HYCC1: variants seen among roughly 807,000 people sequenced by gnomAD.
HYCC1 encodes the protein hyccin PI4KA lipid kinase complex subunit 1.
At chr7:22,965,032 G>C in the HYCC1 span, among the ~76,000 whole-genome samples, 2 of 151,844 alleles carry the variant, frequency 1.3e-5, no homozygotes, top group Admixed American at 6.6e-5. Context: ...TACTAGGGAG[G>C]CTGAGGCAGC....
the HYCC1 span, among the ~76,000 whole-genome samples, chr7:22,904,085 A>G: frequency 6.6e-6 from 1 of 152,214 alleles, no homozygotes; most frequent in Non-Finnish European, 1.5e-5. Context: ...TAATATCAAA[A>G]ATGTAGAAAT....
the HYCC1 span, among the ~76,000 whole-genome samples, chr7:22,933,820 TG>T: frequency 6.6e-5 from 10 of 152,350 alleles, no homozygotes; most frequent in African/African-American, 2.4e-4. Context: ...CATCTGTGGA[TG>T]TTTTTATTGC....
chr7:22,897,867 C>T, the HYCC1 span, among the ~76,000 whole-genome samples: 1 of 151,992 alleles, frequency 6.6e-6, no homozygotes, highest in Non-Finnish European at 1.5e-5. Context: ...CTCCTAGGCT[C>T]AAGTGATTCA....
the HYCC1 span, among the ~76,000 whole-genome samples, chr7:22,999,750 G>C: frequency 6.6e-6 from 1 of 152,100 alleles, no homozygotes; most frequent in African/African-American, 2.4e-5. Flanking sequence ...TGAGTATAAT[G>C]CAAAGTGTTT....
the HYCC1 span, among the ~76,000 whole-genome samples, chr7:22,951,421 G>A: frequency 6.6e-6 from 1 of 151,770 alleles, no homozygotes; most frequent in Non-Finnish European, 1.5e-5. Flanking sequence ...AAAATAATAA[G>A]CTGAAGCTTT....
the HYCC1 span, among the ~76,000 whole-genome samples, chr7:22,953,306 C>A: frequency 4.6e-5 from 7 of 151,876 alleles, no homozygotes; most frequent in Admixed American, 4.6e-4. Flanking sequence ...GTGCAATGTG[C>A]AGCAAATGCT....
At chr7:22,907,706 T>C in the HYCC1 span, among the ~76,000 whole-genome samples, 1 of 151,976 alleles carries the variant, frequency 6.6e-6, no homozygotes, top group East Asian at 1.9e-4. Context: ...TGTCAGGAGT[T>C]TGAGACCAGC....
the HYCC1 span, among the ~76,000 whole-genome samples, chr7:23,002,319 C>T: frequency 6.6e-6 from 1 of 151,748 alleles, no homozygotes; most frequent in Non-Finnish European, 1.5e-5. Context: ...CCCCTGTTGA[C>T]TATAACACAA....
At chr7:22,951,647 G>A in the HYCC1 span, among the ~76,000 whole-genome samples, 1 of 151,740 alleles carries the variant, frequency 6.6e-6, no homozygotes, top group African/African-American at 2.4e-5. Context: ...AATGTTATCT[G>A]TATTCATTAA....
the HYCC1 span, among the ~76,000 whole-genome samples, chr7:22,969,514 GT>G: frequency 5.4e-5 from 6 of 112,076 alleles, no homozygotes; most frequent in African/African-American, 1.0e-4. Context: ...AAATTTGGGT[GT>G]TTTTTTTTGG....
the HYCC1 span, among the ~76,000 whole-genome samples, chr7:22,990,381 C>A: frequency 6.6e-6 from 1 of 152,162 alleles, no homozygotes; most frequent in Non-Finnish European, 1.5e-5. Context: ...CAGACTGTAA[C>A]TTTGTCCTTA....
chr7:22,982,479 T>A, the HYCC1 span, among the ~76,000 whole-genome samples: 1 of 152,162 alleles, frequency 6.6e-6, no homozygotes, highest in African/African-American at 2.4e-5. Context: ...ATTTTGGTAG[T>A]TTCATCCCAG....
At chr7:22,965,264 A>G in the HYCC1 span, among the ~76,000 whole-genome samples, 1 of 152,126 alleles carries the variant, frequency 6.6e-6, no homozygotes, top group African/African-American at 2.4e-5. Flanking sequence ...AAAATTCTAT[A>G]AATTAGACTC....
chr7:22,925,782 C>T, the HYCC1 span, among the ~76,000 whole-genome samples: 36,913 of 151,966 alleles, frequency 0.24, 4,596 homozygotes, highest in East Asian at 0.44. Flanking sequence ...AGGAGAACTT[C>T]CCCAATCTAG....
At chr7:22,963,238 G>A in the HYCC1 span, among the ~76,000 whole-genome samples, 1 of 152,188 alleles carries the variant, frequency 6.6e-6, no homozygotes, top group Non-Finnish European at 1.5e-5. Flanking sequence ...TAAATTCATA[G>A]ATGACCTAAA....
At chr7:22,943,307 G>A in the HYCC1 span, 1 of 152,014 alleles carries the variant, frequency 6.6e-6, no homozygotes, top group African/African-American at 2.4e-5. Flanking sequence ...TGAGACCACT[G>A]GGAATTCTAC....
chr7:22,932,330 G>A, the HYCC1 span, among the ~76,000 whole-genome samples: 4 of 152,278 alleles, frequency 2.6e-5, no homozygotes, highest in Admixed American at 6.5e-5. Context: ...ACTGAGCCAT[G>A]GATGCAGTAG....
the HYCC1 span, among the ~76,000 whole-genome samples, chr7:22,973,088 A>C: frequency 1.3e-5 from 2 of 152,196 alleles, no homozygotes; most frequent in Non-Finnish European, 2.9e-5. Flanking sequence ...CAGCAATCTA[A>C]AACAACTATC....
chr7:22,910,922 T>C, the HYCC1 span, among the ~76,000 whole-genome samples: 1 of 152,066 alleles, frequency 6.6e-6, no homozygotes, highest in Non-Finnish European at 1.5e-5. Context: ...TCACTCTCAT[T>C]ATTCATAATG....
Sources: gnomAD v4.1 joint callset for allele counts (sites outside exome capture counted in the v4.1 genomes callset) on GRCh38, gnomAD v4.1.1 for gene constraint, MANE v1.5 for transcripts, NCBI Gene and HGNC (gene_info 2026-07-23, HGNC 2026-07-21) for gene names.